Variants in SLC30A8 observed in about 807,000 individuals in gnomAD.
SLC30A8 encodes the protein proton-coupled zinc antiporter SLC30A8.
A neutral mutation model predicts 36.9 loss-of-function variants in SLC30A8; 27 were observed. The ratio of observed to expected loss-of-function variants is 0.73; its 90% CI spans 0.54 to 1.01. SLC30A8 has a LOEUF of 1.01. Ranked by LOEUF, SLC30A8 falls within the 50% of genes least tolerant of loss-of-function variation. The pLI, the probability that SLC30A8 is intolerant of heterozygous loss-of-function variation, is 0.00. For missense variants in SLC30A8, 439 were observed against 452.0 expected (o/e 0.97, Z 0.26); for synonymous variants, 164 against 172.4 (o/e 0.95, Z 0.38).
At chr8:117,118,651 A>C (rs1489055233) in intron 2 of SLC30A8, among the ~76,000 whole-genome samples, 1 of 151,936 alleles carries the variant, frequency 6.6e-6, no homozygotes, top group Non-Finnish European at 1.5e-5. Flanking sequence ...CATATTTTAC[A>C]GCAGGCTCCT....
In SLC30A8 at chr8:116,973,803, A is replaced by G. The variant is rs554541888; in HGVS notation, c.-266+22684A>G. ...ACTTCAAACTATATTACAAGGCTAC[A>G]GTAACCAAAACAGCATGGTAGTGGT... On this transcript the variant is annotated intron_variant, in intron 1 of 10. Transcript: ENST00000427715. 3.2e-3 allele frequency among the ~76,000 whole-genome samples: 490 copies of G among 152,374 alleles called. 2 individuals are homozygous for G. The highest frequency in any genetic ancestry group is 0.011 in the African/African-American group (466 of 41,590).
chr8:117,150,489 T>C (rs1822127845), intron 2 of SLC30A8, among the ~76,000 whole-genome samples: 1 of 152,242 alleles, frequency 6.6e-6, no homozygotes, highest in African/African-American at 2.4e-5. Context: ...GTGTCTCTTA[T>C]CTTGTTATAA....
At chr8:117,143,971 C>G (rs1434965537) in intron 1 of SLC30A8, among the ~76,000 whole-genome samples, 1 of 152,112 alleles carries the variant, frequency 6.6e-6, no homozygotes, top group Non-Finnish European at 1.5e-5. Flanking sequence ...CTCTCCTGGT[C>G]ACTGACTACT....
intron 1 of SLC30A8, 142 bp from the exon 2 acceptor site, chr8:117,146,812 C>G: frequency 7.0e-7 from 1 of 1,436,754 alleles, no homozygotes; most frequent in Non-Finnish European, 9.1e-7. Context: ...TTGATATTTT[C>G]TTGTAGAAGG....
intron 2 of SLC30A8, among the ~76,000 whole-genome samples, chr8:117,068,993 C>T (rs1329507680): frequency 6.6e-6 from 1 of 152,174 alleles, no homozygotes; most frequent in Non-Finnish European, 1.5e-5. Context: ...CAAAATTCCT[C>T]CAAAATGTAT....
intron 2 of SLC30A8, among the ~76,000 whole-genome samples, chr8:117,057,730 T>G (rs951681332): frequency 2.0e-5 from 3 of 152,202 alleles, no homozygotes; most frequent in African/African-American, 4.8e-5. Context: ...GATATTCTAT[T>G]TTATATATAG....
At chr8:117,167,456 T>C (rs1398228908) in intron 6 of SLC30A8, among the ~76,000 whole-genome samples, 3 of 151,470 alleles carry the variant, frequency 2.0e-5, no homozygotes, top group African/African-American at 7.3e-5. Context: ...GACATTTATC[T>C]TTCCAAAGAT....
At chr8:117,012,048 A>C (rs1450844232) in intron 1 of SLC30A8, among the ~76,000 whole-genome samples, 3 of 152,176 alleles carry the variant, frequency 2.0e-5, no homozygotes, top group South Asian at 2.1e-4. Context: ...AGAACCCAGA[A>C]TAATTCCAGA....
intron 1 of SLC30A8, among the ~76,000 whole-genome samples, chr8:116,981,923 G>A (rs1268018332): frequency 6.6e-6 from 1 of 152,110 alleles, no homozygotes. Flanking sequence ...ATTCCTTTGT[G>A]TATATACTCA....
chr8:117,088,168 G>A (rs1318111727), intron 2 of SLC30A8, among the ~76,000 whole-genome samples: 1 of 152,106 alleles, frequency 6.6e-6, no homozygotes, highest in South Asian at 2.1e-4. Context: ...ACTTGGACAG[G>A]TGAGAAAAAT....
At position 116,974,851 on chromosome 8, in the gene SLC30A8, G is replaced by A. The variant is rs1213922848; in HGVS notation, c.-266+23732G>A. Among the ~76,000 whole-genome samples the A allele has an allele frequency of 3.3e-5, 5 of 152,192 alleles. No homozygotes were observed. The East Asian group carries it at 9.7e-4, about 29-fold the overall frequency. On this transcript the variant is annotated intron_variant, in intron 1 of 10. Transcript: ENST00000427715. ...GCAGATATACTCCATGGTATACTAT[G>A]CAGTCATAAAAAGGATGAGTTCATG...
chr8:117,074,962 C>T (rs2130803992), intron 2 of SLC30A8, among the ~76,000 whole-genome samples: 1 of 152,174 alleles, frequency 6.6e-6, no homozygotes, highest in South Asian at 2.1e-4. Context: ...TGGAATTATG[C>T]ATTAGTTTTT....
At position 117,174,851 on chromosome 8, in the gene SLC30A8, C is replaced by G. The variant is rs892935264; in HGVS notation, c.*2170C>G. On this transcript the variant is annotated 3_prime_UTR_variant, in exon 8 of 8. Coordinates refer to ENST00000456015, the MANE Select transcript of SLC30A8 (RefSeq NM_173851.3). ...CTTTTTTAGTCAGCTAGATTGAAAACTCTGAACAGTAGATGTTTATATGGC... is the reference window on the plus strand; with the variant it reads ...CTTTTTTAGTCAGCTAGATTGAAAAGTCTGAACAGTAGATGTTTATATGGC... 6.6e-6 allele frequency: 1 copy of G among 152,478 alleles called. No individual in the cohort carries two copies. Among genetic ancestry groups the G allele is most frequent in the Non-Finnish European group, 1.5e-5 (1 of 67,988 alleles). 9.4% of individuals were successfully genotyped at this position (152,478 alleles called of 1,614,324 possible).
chr8:116,973,677 G>A (rs1464988398), intron 1 of SLC30A8, among the ~76,000 whole-genome samples: 1 of 152,050 alleles, frequency 6.6e-6, no homozygotes, highest in South Asian at 2.1e-4. Context: ...TCACAGAATC[G>A]GAAGAAACTA....
chr8:117,117,515 G>A (rs963493040), intron 2 of SLC30A8, among the ~76,000 whole-genome samples: 4 of 151,974 alleles, frequency 2.6e-5, no homozygotes, highest in African/African-American at 9.7e-5. Context: ...TTTTAGTCTT[G>A]TTAAGAGAGT....
At chr8:117,126,039 G>A (rs1429185715) in intron 2 of SLC30A8, among the ~76,000 whole-genome samples, 1 of 151,672 alleles carries the variant, frequency 6.6e-6, no homozygotes, top group Admixed American at 6.6e-5. Flanking sequence ...TTCCCCCCTC[G>A]ATGAAGCACA....
chr8:117,032,157 CTT>C (rs370599939), intron 1 of SLC30A8, among the ~76,000 whole-genome samples: 1 of 146,944 alleles, frequency 6.8e-6, no homozygotes. Context: ...TCCTGCCATG[CTT>C]TTTTTTTTTC....
chr8:117,084,543 G>A (rs969503112), intron 2 of SLC30A8, among the ~76,000 whole-genome samples: 2 of 152,126 alleles, frequency 1.3e-5, no homozygotes, highest in Non-Finnish European at 2.9e-5. Flanking sequence ...CATTGGTCAA[G>A]CCAAGCTGTA....
At chr8:117,139,409 G>A (rs571197546) in intron 1 of SLC30A8, among the ~76,000 whole-genome samples, 2 of 152,188 alleles carry the variant, frequency 1.3e-5, no homozygotes, top group East Asian at 1.9e-4. Flanking sequence ...GTAACGAAAA[G>A]GCAAGCATCT....
Sources: allele counts gnomAD v4.1 joint callset (sites outside exome capture counted in the v4.1 genomes callset), GRCh38; gene constraint gnomAD v4.1.1; transcripts MANE v1.5; gene names NCBI Gene and HGNC (gene_info 2026-07-23, HGNC 2026-07-21).